Variants in KAZN observed in about 807,000 individuals in gnomAD.
KAZN encodes kazrin.
Under a neutral mutation model 87.4 loss-of-function variants are expected in KAZN, and 40 were observed. The ratio of observed to expected loss-of-function variants is 0.46; its 90% CI spans 0.36 to 0.60. The LOEUF (loss-of-function observed/expected upper bound fraction) is 0.60, where lower values mean the gene tolerates loss of function less well. KAZN is among the 20% of genes least tolerant of loss of function. The pLI is 0.00. For missense variants in KAZN, 898 were observed against 1,073.9 expected (o/e 0.84, Z 2.29); for synonymous variants, 466 against 458.3 (o/e 1.02, Z -0.22).
intron 6 of KAZN, chr1:15,063,354 AG>A: frequency 1.7e-6 from 1 of 582,860 alleles, no homozygotes; most frequent in East Asian, 2.8e-5. Context: ...TGGGCAGGAG[AG>A]GACCCCAGGA....
chr1:15,017,295 C>T (rs962680231), intron 2 of KAZN, among the ~76,000 whole-genome samples: 1 of 151,778 alleles, frequency 6.6e-6, no homozygotes. Context: ...GAGATTCAGT[C>T]TCAAAAAAAA....
At chr1:14,831,608 C>T (rs190967872) in intron 1 of KAZN, among the ~76,000 whole-genome samples, 93 of 152,316 alleles carry the variant, frequency 6.1e-4, no homozygotes, top group Admixed American at 6.5e-4. Flanking sequence ...CACAGCACTG[C>T]TTATTAGTGC....
At chr1:14,177,443 C>A (rs372405507) in intron 1 of KAZN, among the ~76,000 whole-genome samples, 1 of 152,224 alleles carries the variant, frequency 6.6e-6, no homozygotes, top group African/African-American at 2.4e-5. Context: ...TCTTTTAGTG[C>A]AAATCTGCTG....
chr1:14,466,607 T>C lies in KAZN; in HGVS notation c.250-132376T>C, dbSNP rs1013736230. Among the ~76,000 whole-genome samples, 4 of 149,904 alleles carry C rather than the reference T, an allele frequency of 2.7e-5. No individual in the cohort carries two copies. In the Admixed American group the frequency reaches 2.7e-4, roughly 10 times the overall value. On this transcript the variant is annotated intron_variant, in intron 2 of 16. Transcript: ENST00000636203. ...CAAACCACCATTGCATACGATTACC[T>C]ATGCAACAAACCTTCACATCCTGCA...
intron 1 of KAZN, among the ~76,000 whole-genome samples, chr1:13,935,273 CT>C (rs1199315899): frequency 5.0e-5 from 2 of 40,078 alleles, no homozygotes; most frequent in Admixed American, 6.3e-4. Flanking sequence ...AATAATAAGC[CT>C]TCAGTACTGA....
intron 1 of KAZN, among the ~76,000 whole-genome samples, chr1:14,075,125 G>A (rs1372847271): frequency 3.9e-5 from 6 of 152,200 alleles, no homozygotes; most frequent in Non-Finnish European, 8.8e-5. Flanking sequence ...CTAATTATTT[G>A]TATTAAGTGG....
intron 2 of KAZN, among the ~76,000 whole-genome samples, chr1:14,393,498 G>A (rs1023442009): frequency 6.6e-6 from 1 of 152,138 alleles, no homozygotes; most frequent in Non-Finnish European, 1.5e-5. Flanking sequence ...GAAATCAACC[G>A]TATTCCTTCA....
intron 2 of KAZN, among the ~76,000 whole-genome samples, chr1:14,319,000 G>T (rs1345252981): frequency 6.8e-6 from 1 of 147,314 alleles, no homozygotes; most frequent in Non-Finnish European, 1.5e-5. Context: ...TGTTTCTGTT[G>T]ACCTTTTATT....
intron 1 of KAZN, among the ~76,000 whole-genome samples, chr1:13,936,365 G>C (rs1298555141): frequency 4.0e-5 from 6 of 151,752 alleles, no homozygotes; most frequent in Non-Finnish European, 7.4e-5. Context: ...GCCTCTCAAA[G>C]TGCTGGGATT....
Position 14,111,338 on chromosome 1 carries a change from C to A in KAZN, c.92-69097C>A, listed in dbSNP as rs1256300002. On this transcript the variant is annotated intron_variant, in intron 1 of 16. Coordinates refer to the KAZN transcript ENST00000636203. The stretch of plus-strand genomic sequence containing the variant: ...GTGGGCAGGAAGGAAAGAGTGCCTC[C>A]TAGAGACAGATCTACACTGTAGAAA... 2.2e-5 allele frequency among the ~76,000 whole-genome samples: 2 copies of A among 89,396 alleles called. 1 individual carries two copies. The highest frequency in any genetic ancestry group is 9.2e-5 in the African/African-American group (2 of 21,836). The allele number at this position is 89,396 out of a possible 152,430, so 58.6% of individuals were successfully genotyped here. A position where few individuals can be genotyped will look rare whatever the true frequency, so the allele number is the denominator to read the frequency against.
At chr1:14,808,665 G>A (rs989503249) in intron 1 of KAZN, among the ~76,000 whole-genome samples, 3 of 151,980 alleles carry the variant, frequency 2.0e-5, no homozygotes, top group African/African-American at 7.3e-5. Flanking sequence ...TAGACTCTGG[G>A]GGATGTCCAT....
intron 2 of KAZN, among the ~76,000 whole-genome samples, chr1:14,555,309 C>A (rs75518360): frequency 6.6e-6 from 1 of 152,184 alleles, no homozygotes; most frequent in Non-Finnish European, 1.5e-5. Context: ...TTCAGCAACA[C>A]CAGTGTAGAA....
At chr1:14,515,599 T>C (rs752699460) in intron 2 of KAZN, among the ~76,000 whole-genome samples, 1 of 152,202 alleles carries the variant, frequency 6.6e-6, no homozygotes, top group Non-Finnish European at 1.5e-5. Flanking sequence ...TCCAGGCCAC[T>C]AACCTCCTTT....
chr1:14,971,330 A>G (rs1166001148), intron 2 of KAZN, among the ~76,000 whole-genome samples: 1 of 152,192 alleles, frequency 6.6e-6, no homozygotes, highest in East Asian at 1.9e-4. Flanking sequence ...TCCGGGAGGC[A>G]GAGGTTGCGG....
intron 2 of KAZN, among the ~76,000 whole-genome samples, chr1:14,421,957 A>T (rs1665457173): frequency 6.6e-6 from 1 of 152,162 alleles, no homozygotes; most frequent in African/African-American, 2.4e-5. Flanking sequence ...TATATCCAAC[A>T]GTGCATGGGC....
rs139614135 is a variant in KAZN, at chr1:14,309,810, G to T, written c.249+129218G>T. Among the ~76,000 whole-genome samples, 769 of 152,074 alleles carry T rather than the reference G, an allele frequency of 5.1e-3. 8 individuals carry two copies. Among genetic ancestry groups the T allele is most frequent in the African/African-American group, 0.018 (734 of 41,498 alleles). ...TGGTATTGAACTCCTGGGCTCAAAG[G>T]ATCCTCCCACCTTGGCCTCCCAAAG... On this transcript the variant is annotated intron_variant, in intron 2 of 16. Coordinates refer to the KAZN transcript ENST00000636203.
chr1:14,663,176 C>T (rs984930844), intron 1 of KAZN, among the ~76,000 whole-genome samples: 2 of 151,912 alleles, frequency 1.3e-5, no homozygotes, highest in Admixed American at 6.6e-5. Context: ...AGAATCTCAC[C>T]ATGTTGTCCA....
rs529357593 is a variant in KAZN, at chr1:15,022,097, T to C, written c.419-12652T>C. Among the ~76,000 whole-genome samples the C allele has an allele frequency of 4.6e-5, 7 of 152,224 alleles. No homozygotes were observed. In the East Asian group the frequency reaches 1.4e-3, roughly 30 times the overall value. On this transcript the variant is annotated intron_variant, in intron 2 of 14. Transcript: ENST00000376030. Reference sequence around the variant, plus strand: ...CACGTGGGAATTAGGGGAGCTACAATTCAAGATGAGATTTGGGTGGGGACA... The same window carrying C: ...CACGTGGGAATTAGGGGAGCTACAACTCAAGATGAGATTTGGGTGGGGACA...
chr1:14,832,329 C>A (rs78858642), intron 1 of KAZN, among the ~76,000 whole-genome samples: 1,949 of 152,294 alleles, frequency 0.013, 26 homozygotes, highest in Admixed American at 0.016. Flanking sequence ...GAGGGGACTT[C>A]ATTCTTAAGC....
Sources: allele counts gnomAD v4.1 joint callset (sites outside exome capture counted in the v4.1 genomes callset), GRCh38; gene constraint gnomAD v4.1.1; transcripts MANE v1.5; gene names NCBI Gene and HGNC (gene_info 2026-07-23, HGNC 2026-07-21).